NOP56: variants seen among roughly 807,000 people sequenced by gnomAD.
The protein encoded by NOP56 is nucleolar protein 56.
In NOP56, 31 loss-of-function variants were observed where a neutral mutation model predicts 58.3. That is an observed-to-expected ratio of 0.53 (90% CI 0.40 to 0.72). NOP56 has a LOEUF of 0.72. Among genes scored for constraint, NOP56 ranks in the 30% least tolerant of loss-of-function variants. The pLI is 0.00. For synonymous variants in NOP56, 313 were observed against 282.8 expected (o/e 1.11, Z -1.07); for missense variants, 669 against 739.9 (o/e 0.90, Z 1.11).
chr20:2,655,694 G>T lies in NOP56; in HGVS notation c.857G>T (p.Arg286Leu). The change falls in exon 7 of 12, where the codon CGC becomes CTC. Residue 286 changes from arginine to leucine, a missense_variant. Coordinates refer to ENST00000329276, the MANE Select transcript of NOP56 (RefSeq NM_006392.4). ...EYRQSLHTYL[R>L]SKMSQVAPSL... Reference sequence around the variant, plus strand: ...CGCCAGAGCCTACACACTTACCTGCGCTCCAAGATGAGCCAAGTAGCCCCC... The same window carrying T: ...CGCCAGAGCCTACACACTTACCTGCTCTCCAAGATGAGCCAAGTAGCCCCC... 2 of 1,614,088 alleles carry T rather than the reference G, an allele frequency of 1.2e-6. No homozygotes were observed. The highest frequency in any genetic ancestry group is 1.7e-6 in the Non-Finnish European group (2 of 1,180,012).
chr20:2,653,398 G>A lies in NOP56; in HGVS notation c.208+5G>A, dbSNP rs201404963. ...ATGCCAACGCCGTGTCTGAAGGTAA[G>A]TCGGCCACCGCCAAGTGTCACAGAG... On this transcript the variant is annotated splice_donor_5th_base_variant and intron_variant, in intron 3 of 11. Coordinates refer to ENST00000329276, the MANE Select transcript of NOP56 (RefSeq NM_006392.4). 74 of 1,610,174 alleles carry A rather than the reference G, an allele frequency of 4.6e-5. No homozygotes were observed. The African/African-American group carries it at 9.2e-4, about 20-fold the overall frequency.
chr20:2,655,494 G>A lies in NOP56; in HGVS notation c.739G>A (p.Ala247Thr). Residue 247 changes from alanine (A) to threonine (T), a missense_variant, in exon 6 of 12, where the codon GCC becomes ACC. Ala to Thr is a moderately conservative substitution (Grantham distance 58, BLOSUM62 0). Coordinates refer to ENST00000329276, the MANE Select transcript of NOP56 (RefSeq NM_006392.4). ...DGAKAKAILD[A>T]SRSSMGMDIS... ...GGCCAAGGCTAAGGCTATTCTGGATGCCTCACGGTCCTCCATGGGTCAGTG... is the reference window on the plus strand; with the variant it reads ...GGCCAAGGCTAAGGCTATTCTGGATACCTCACGGTCCTCCATGGGTCAGTG... The A allele has an allele frequency of 6.2e-7, 1 of 1,614,188 alleles. No homozygotes were observed. Among genetic ancestry groups the A allele is most frequent in the Non-Finnish European group, 8.5e-7 (1 of 1,180,024 alleles).
At position 2,656,806 on chromosome 20, in the gene NOP56, C is replaced by T; in HGVS notation, c.1192C>T (p.Arg398Ter). The change falls in exon 10 of 12, where the codon CGA (arginine) becomes TGA (stop). Residue 398 changes from arginine to a stop codon, truncating the protein, a stop_gained. Coordinates refer to ENST00000329276, the MANE Select transcript of NOP56 (RefSeq NM_006392.4). LOFTEE classifies it high-confidence loss of function. ...VPTSVFGEKL[R>*]EQVEERLSFY... is the part of the protein sequence containing the mutation. ...CACGAGTGTATTCGGGGAGAAGCTT[C>T]GAGAACAAGTTGAAGAGCGACTGTC... 1.2e-6 allele frequency: 2 copies of T among 1,614,056 alleles called. No individual in the cohort carries two copies. Among genetic ancestry groups the T allele is most frequent in the Non-Finnish European group, 1.7e-6 (2 of 1,180,022 alleles).
intron 2 of NOP56, 55 bp from the exon 3 acceptor site, chr20:2,653,224 C>A (rs1010195114): frequency 2.9e-6 from 4 of 1,399,266 alleles, no homozygotes; most frequent in Admixed American, 1.7e-5. Flanking sequence ...TGCTTGACTG[C>A]GCCGCAGAGG....
Position 2,653,280 on chromosome 20 carries a change from T to A in NOP56, c.95T>A (p.Val32Glu). ...VEEISLLQPQ[V>E]EESVLNLGKF... ...CACTTAGCCTCTTTCTCCCCCCAGG[T>A]GGAGGAGTCTGTGCTCAACCTGGGC... is the stretch of plus-strand genomic sequence containing the variant. Residue 32 changes from valine to glutamate, a missense_variant and splice_region_variant, in exon 3 of 12, where the codon GTG (valine) becomes GAG (glutamate). By Grantham distance (121) the Val-to-Glu change is moderately radical. Transcript: ENST00000329276. 1.2e-6 allele frequency: 2 copies of A among 1,612,626 alleles called. No individual in the cohort carries two copies. Among genetic ancestry groups the A allele is most frequent in the Non-Finnish European group, 1.7e-6 (2 of 1,178,674 alleles).
chr20:2,656,465 C>T lies in NOP56; in HGVS notation c.1075C>T (p.Arg359Ter), dbSNP rs1240078373. ...CATTTTCCACTCCACCTTCATTGGC[C>T]GAGCAGCTGCCAAGAACAAAGGCCG... is the stretch of plus-strand genomic sequence containing the variant. The part of the protein sequence containing the change: ...GLIFHSTFIG[R>*]AAAKNKGRIS... The change falls in exon 9 of 12, where the codon CGA becomes TGA. Residue 359 changes from arginine (R) to a stop codon, truncating the protein, a stop_gained. Transcript: ENST00000329276. LOFTEE classifies it high-confidence loss of function. 5 of 1,613,978 alleles carry T rather than the reference C, an allele frequency of 3.1e-6. No homozygotes were observed. The highest frequency in any genetic ancestry group is 4.2e-6 in the Non-Finnish European group (5 of 1,180,036).
At position 2,657,080 on chromosome 20, in the gene NOP56, G is replaced by C; in HGVS notation, c.1282-1G>C. ...CCCTTTTAGCACTTTTCTTTGACCA[G>C]GCAGAGGAAGCGGCTGCTGAGATTA... On this transcript the variant is annotated splice_acceptor_variant, in intron 10 of 11. Transcript: ENST00000329276. LOFTEE classifies it high-confidence loss of function. The C allele has an allele frequency of 6.2e-7, 1 of 1,614,138 alleles. No individual in the cohort carries two copies. Among genetic ancestry groups the C allele is most frequent in the Non-Finnish European group, 8.5e-7 (1 of 1,180,036 alleles).
chr20:2,656,110 G>T lies in NOP56; in HGVS notation c.1010+76G>T, dbSNP rs1196733404. On this transcript the variant is annotated intron_variant, in intron 8 of 11. Transcript: ENST00000329276. The stretch of plus-strand genomic sequence containing the variant: ...TGCTTGTTGGGGGATCACGGTGATG[G>T]CTGACCAGGGCTCCCTGACCTATAC... 6 of 1,612,996 alleles carry T rather than the reference G, an allele frequency of 3.7e-6. No individual in the cohort carries two copies. In the East Asian group the frequency reaches 1.3e-4, roughly 36 times the overall value.
chr20:2,652,944 C>T lies in NOP56; in HGVS notation c.93+13C>T, dbSNP rs369382427. The T allele has an allele frequency of 6.3e-7, 1 of 1,584,624 alleles. No homozygotes were observed. The highest frequency in any genetic ancestry group is 2.3e-5 in the East Asian group (1 of 43,438). On this transcript the variant is annotated intron_variant, in intron 2 of 11. Coordinates refer to ENST00000329276, the MANE Select transcript of NOP56 (RefSeq NM_006392.4). ...GCTGCAGCCGCAGGTGGGTGAGATCCGTGGGCTCCTTTGGCGGCCCCGCAG... is the reference window on the plus strand; with the variant it reads ...GCTGCAGCCGCAGGTGGGTGAGATCTGTGGGCTCCTTTGGCGGCCCCGCAG...
chr20:2,655,303 G>C (rs774517705), intron 5 of NOP56, 22 bp from the exon 6 acceptor site: 11 of 1,614,140 alleles, frequency 6.8e-6, no homozygotes, highest in Non-Finnish European at 9.3e-6. Flanking sequence ...CTGGGCCAGG[G>C]AGTGACTGTG....
rs762800565 is a variant in NOP56 at position 2,658,085 on chromosome 20, G to A, written c.1576G>A (p.Ala526Thr). ...GATGAGTAGCGATCTTGAAGAGACC[G>A]CTGGCAGCACCAGTATTCCCAAGAG... Reference protein sequence around the residue: ...ELMSSDLEETAGSTSIPKRKK... With the variant: ...ELMSSDLEETTGSTSIPKRKK... The change falls in exon 12 of 12, where the codon GCT becomes ACT. Residue 526 changes from alanine (A) to threonine (T), a missense_variant. Ala to Thr is a moderately conservative substitution (Grantham distance 58). Around this residue, in one of 3 missense-constraint regions of NOP56, gnomAD observed 209 missense variants for 196.2 expected, o/e 1.07. Coordinates refer to ENST00000329276, the MANE Select transcript of NOP56 (RefSeq NM_006392.4). 1.4e-5 allele frequency: 23 copies of A among 1,613,946 alleles called. No homozygotes were observed. The highest frequency in any genetic ancestry group is 2.7e-5 in the African/African-American group (2 of 74,892).
Position 2,658,390 on chromosome 20 carries a change from A to G in NOP56, c.*96A>G. 1.2e-6 allele frequency: 2 copies of G among 1,612,036 alleles called. No individual in the cohort carries two copies. Among genetic ancestry groups the G allele is most frequent in the Non-Finnish European group, 1.7e-6 (2 of 1,179,036 alleles). On this transcript the variant is annotated 3_prime_UTR_variant, in exon 12 of 12. Coordinates refer to ENST00000329276, the MANE Select transcript of NOP56 (RefSeq NM_006392.4). ...TGTTCCCCAATAAAAACAAATTCAC[A>G]AGAGTTGGTTCATGTTCTTTATTGA... is the stretch of plus-strand genomic sequence containing the variant.
At chr20:2,656,313 CG>C (rs1568542530) in intron 8 of NOP56, 87 bp from the exon 9 acceptor site, 9 of 1,603,732 alleles carry the variant, frequency 5.6e-6, no homozygotes. Flanking sequence ...CTCAGGACTT[CG>C]GGGTGAGAGG....
rs2086819919 is a variant in NOP56 at position 2,656,540 on chromosome 20, T to C, written c.1150T>C (p.Cys384Arg). ...NKCSIASRID[C>R]FSEVPTSVFG... ...ATGCAGTATTGCCTCACGAATCGAT[T>C]GCTTCTCTGGTATGGGTGGGGGGGC... is the stretch of plus-strand genomic sequence containing the variant. The change falls in exon 9 of 12, where the codon TGC becomes CGC. Residue 384 changes from cysteine (C) to arginine (R), a missense_variant. Physicochemically the swap from Cys to Arg is radical, Grantham distance 180. Transcript: ENST00000329276. 6.2e-7 allele frequency: 1 copy of C among 1,608,456 alleles called. No individual in the cohort carries two copies. The highest frequency in any genetic ancestry group is 8.5e-7 in the Non-Finnish European group (1 of 1,177,452).
chr20:2,655,572 C>T, intron 6 of NOP56, 23 bp from the exon 7 acceptor site: 2 of 1,614,026 alleles, frequency 1.2e-6, no homozygotes, highest in Non-Finnish European at 1.7e-6. Flanking sequence ...TGGCCTCTTG[C>T]ATTCACACTT....
chr20:2,657,694 T>G, intron 11 of NOP56: 1 of 538,028 alleles, frequency 1.9e-6, no homozygotes. Context: ...ACCAGCATGG[T>G]GGGTGTTTTT....
At position 2,655,443 on chromosome 20, in the gene NOP56, A is replaced by G. The variant is rs755067738; in HGVS notation, c.688A>G (p.Lys230Glu). ...RRELNEDKLE[K>E]LEELTMDGAK... ...GGAACTGAATGAGGACAAGCTGGAG[A>G]AGCTGGAGGAGCTGACAATGGATGG... The change falls in exon 6 of 12, where the codon AAG becomes GAG. Residue 230 changes from lysine (K) to glutamate (E), a missense_variant. Coordinates refer to ENST00000329276, the MANE Select transcript of NOP56 (RefSeq NM_006392.4). 1.2e-6 allele frequency: 2 copies of G among 1,613,984 alleles called. No individual in the cohort carries two copies. Among genetic ancestry groups the G allele is most frequent in the East Asian group, 2.2e-5 (1 of 44,888 alleles).
In NOP56 at chr20:2,656,856, A is replaced by C. The variant is rs748903806; in HGVS notation, c.1242A>C (p.Pro414=). The C allele has an allele frequency of 6.8e-6, 11 of 1,614,174 alleles. No individual in the cohort carries two copies. Among genetic ancestry groups the C allele is most frequent in the Non-Finnish European group, 8.5e-6 (10 of 1,180,030 alleles). ...CCTTCTATGAGACTGGAGAGATACC[A>C]CGAAAGAATCTGGATGTCATGAAGG... The part of the protein sequence containing the change: ...RLSFYETGEI[P]RKNLDVMKEA... The change falls in exon 10 of 12, where the codon CCA becomes CCC. Residue 414 remains proline (P), a synonymous_variant. Coordinates refer to ENST00000329276, the MANE Select transcript of NOP56 (RefSeq NM_006392.4).
Position 2,655,719 on chromosome 20 carries a change from C to T in NOP56, c.882C>T (p.Pro294=). The change falls in exon 7 of 12, where the codon CCC becomes CCT. Residue 294 remains proline, a synonymous_variant. Coordinates refer to ENST00000329276, the MANE Select transcript of NOP56 (RefSeq NM_006392.4). ...YLRSKMSQVA[P]SLSALIGEAV... is the part of the protein sequence containing the mutation. ...GCTCCAAGATGAGCCAAGTAGCCCC[C>T]AGCCTGTCAGCCCTAATTGGGGAAG... 1 of 1,614,216 alleles carries T rather than the reference C, an allele frequency of 6.2e-7. No homozygotes were observed. The highest frequency in any genetic ancestry group is 8.5e-7 in the Non-Finnish European group (1 of 1,180,052).
Sources: allele counts gnomAD v4.1 joint callset, GRCh38; gene constraint gnomAD v4.1.1; regional missense constraint gnomAD v4.1.1; transcripts MANE v1.5; gene names NCBI Gene and HGNC (gene_info 2026-07-23, HGNC 2026-07-21).